The following UIMC1 variants were observed in gnomAD, a reference collection of about 807,000 sequenced individuals.
The protein encoded by UIMC1 is BRCA1-A complex subunit RAP80.
UIMC1 carries 42 observed loss-of-function variants against 84.9 expected under a neutral mutation model. The observed-to-expected ratio is 0.49, with a 90% confidence interval of 0.39 to 0.64. UIMC1 has a LOEUF of 0.64. UIMC1 is among the 30% of genes least tolerant of loss of function. The pLI, the probability that UIMC1 is intolerant of heterozygous loss-of-function variation, is 0.00. For missense variants in UIMC1, 825 were observed against 847.6 expected, an observed-to-expected ratio of 0.97 and a Z score of 0.33; for synonymous variants, 281 against 293.0, an observed-to-expected ratio of 0.96 and a Z score of 0.42.
intron 10 of UIMC1, among the ~76,000 whole-genome samples, chr5:176,940,820 A>C (rs912039430): frequency 2.6e-5 from 4 of 152,220 alleles, no homozygotes; most frequent in African/African-American, 7.2e-5. Flanking sequence ...TGTGCTAGGT[A>C]CCGTGTTAAG....
At chr5:176,990,476 G>C (rs748534338) in intron 1 of UIMC1, among the ~76,000 whole-genome samples, 1 of 152,004 alleles carries the variant, frequency 6.6e-6, no homozygotes, top group Non-Finnish European at 1.5e-5. Context: ...GCAGGAAAAG[G>C]TTAAAAACCT....
chr5:176,986,769 A>C (rs1350826395), intron 1 of UIMC1, among the ~76,000 whole-genome samples: 2 of 152,180 alleles, frequency 1.3e-5, no homozygotes, highest in Admixed American at 1.3e-4. Context: ...TCTCAAAAAA[A>C]ACAATGTCTG....
intron 5 of UIMC1, 43 bp downstream of exon 5, chr5:176,969,558 G>T (rs902337313): frequency 1.3e-6 from 2 of 1,581,778 alleles, no homozygotes; most frequent in African/African-American, 2.7e-5. Flanking sequence ...CTGTGGTACA[G>T]TTATACTTGA....
At chr5:176,949,193 T>C (rs1392575418) in intron 9 of UIMC1, among the ~76,000 whole-genome samples, 4 of 152,186 alleles carry the variant, frequency 2.6e-5, no homozygotes, top group African/African-American at 9.6e-5. Flanking sequence ...TATGTATACA[T>C]GTGCCATGTT....
rs1206988655 is a variant in UIMC1 at position 176,921,280 on chromosome 5, G to A, written c.1598-9891C>T. Among the ~76,000 whole-genome samples the A allele has an allele frequency of 2.0e-5, 3 of 152,126 alleles. No homozygotes were observed. In the East Asian group the frequency reaches 5.8e-4, roughly 29 times the overall value. On this transcript the variant is annotated intron_variant, in intron 10 of 14. Transcript: ENST00000511320. ...CACTTTTCCATTTGATCCTGAATCT[G>A]AACGCTTCTTGCTTAATTAAGGATT...
chr5:177,006,515 G>C (rs999357743), intron 1 of UIMC1, 135 bp downstream of exon 1: 7 of 152,296 alleles, frequency 4.6e-5, no homozygotes, highest in African/African-American at 1.7e-4. Context: ...AGGAAGGGCC[G>C]CCCCGGCGTC....
chr5:176,994,706 G>A (rs1367752782), intron 1 of UIMC1, among the ~76,000 whole-genome samples: 4 of 151,628 alleles, frequency 2.6e-5, no homozygotes, highest in Admixed American at 2.0e-4. Flanking sequence ...CTGAAAGGGA[G>A]TTGGCTAGTT....
At chr5:177,016,385 A>C (rs1323404201) in intron 1 of UIMC1, among the ~76,000 whole-genome samples, 4 of 151,328 alleles carry the variant, frequency 2.6e-5, no homozygotes, top group Non-Finnish European at 5.9e-5. Flanking sequence ...AAAACCAAAC[A>C]AACAAAATAC....
chr5:176,905,044 CATAAAT>C lies in UIMC1; in HGVS notation c.*232_*237del, dbSNP rs544574199. Reference sequence around the variant, plus strand: ...CTATTGAAATAAGATTTCGTACAAACATAAATATATTTAAATTTTTTAACTGTAAGT... The same window carrying C: ...CTATTGAAATAAGATTTCGTACAAACATATTTAAATTTTTTAACTGTAAGT... On this transcript the variant is annotated 3_prime_UTR_variant, in exon 15 of 15. Coordinates refer to ENST00000511320, the MANE Select transcript of UIMC1 (RefSeq NM_001199298.2). 5.9e-4 allele frequency: 225 copies of C among 384,436 alleles called. No individual in the cohort carries two copies. The highest frequency in any genetic ancestry group is 7.8e-4 in the Non-Finnish European group (168 of 215,132). The allele number at this position is 384,436 out of a possible 1,614,324, so 23.8% of individuals were successfully genotyped here. A position where few individuals can be genotyped will look rare whatever the true frequency, so the allele number is the denominator to read the frequency against.
rs1771199914 is a variant in UIMC1 at position 176,982,449 on chromosome 5, T to C, written c.147+20A>G. 1 of 1,603,718 alleles carries C rather than the reference T, an allele frequency of 6.2e-7. No individual in the cohort carries two copies. On this transcript the variant is annotated intron_variant, in intron 2 of 14. Coordinates refer to ENST00000511320, the MANE Select transcript of UIMC1 (RefSeq NM_001199298.2). ...TAGTTTGAGAGCTACAGCTCTACTT[T>C]TCAGCTCTACTTCACTAACCTCTCC...
At position 176,916,917 on chromosome 5, in the gene UIMC1, G is replaced by A. The variant is rs545422406; in HGVS notation, c.1598-5528C>T. 5.3e-5 allele frequency among the ~76,000 whole-genome samples: 8 copies of A among 152,102 alleles called. No homozygotes were observed. The East Asian group carries it at 1.5e-3, about 29-fold the overall frequency. ...ATTTGTTTCCAAAATTCAAAGAGGA[G>A]GAACAATCAACAATAAAAAACATAT... is the stretch of plus-strand genomic sequence containing the variant. On this transcript the variant is annotated intron_variant, in intron 10 of 14. Transcript: ENST00000511320.
In UIMC1 at chr5:176,968,940, C is replaced by T. The variant is rs776029606; in HGVS notation, c.815G>A (p.Gly272Asp). 2 of 1,614,134 alleles carry T rather than the reference C, an allele frequency of 1.2e-6. No homozygotes were observed. The highest frequency in any genetic ancestry group is 1.1e-5 in the South Asian group (1 of 91,078). ...AATACCCCAGAAATAGTTCACAGTG[C>T]CCCCAGTGTCCTGGAGACCTTTGGC... is the stretch of plus-strand genomic sequence containing the variant. ...ADAKGLQDTG[G>D]TVNYFWGIPF... The change falls in exon 6 of 15, where the codon GGC (glycine) becomes GAC (aspartate). Residue 272 changes from glycine to aspartate, a missense_variant. By Grantham distance (94) the Gly-to-Asp change is moderately conservative. Transcript: ENST00000511320.
chr5:176,939,641 T>C (rs141832715), intron 10 of UIMC1, among the ~76,000 whole-genome samples: 2 of 152,314 alleles, frequency 1.3e-5, no homozygotes, highest in African/African-American at 4.8e-5. Flanking sequence ...GACTACACCA[T>C]CAAGGTTTGT....
At chr5:177,009,415 A>T (rs1775496164), upstream of UIMC1, among the ~76,000 whole-genome samples, 1 of 151,582 alleles carries the variant, frequency 6.6e-6, no homozygotes, top group Admixed American at 6.6e-5. The surrounding 1 kb of genome is among the most constrained non-coding windows in gnomAD (Gnocchi z 4.3). Context: ...CAGAGTTAGG[A>T]CCCTAATCAT....
intron 6 of UIMC1, among the ~76,000 whole-genome samples, chr5:176,958,543 ACAAT>A (rs961699334): frequency 3.0e-4 from 45 of 152,374 alleles, no homozygotes; most frequent in African/African-American, 1.1e-3. Context: ...TTTCAGAAAA[ACAAT>A]CAAAAAGTTT....
intron 1 of UIMC1, among the ~76,000 whole-genome samples, chr5:176,987,985 A>T (rs1481813877): frequency 6.6e-6 from 1 of 151,726 alleles, no homozygotes; most frequent in Non-Finnish European, 1.5e-5. Context: ...ATGTAGCCAG[A>T]TGTGGTGGCG....
At chr5:176,981,790 GA>G (rs1047674077) in intron 2 of UIMC1, among the ~76,000 whole-genome samples, 70 of 145,764 alleles carry the variant, frequency 4.8e-4, no homozygotes, top group African/African-American at 1.4e-3. Context: ...CCTGGCTCTA[GA>G]AAAAAAAAAT....
intron 1 of UIMC1, among the ~76,000 whole-genome samples, chr5:176,997,965 A>T (rs1773878919): frequency 6.6e-6 from 1 of 152,112 alleles, no homozygotes; most frequent in African/African-American, 2.4e-5. Flanking sequence ...TCTCAGAGAA[A>T]TCTTTCTTGG....
chr5:176,981,291 C>T (rs762538925), intron 2 of UIMC1, among the ~76,000 whole-genome samples: 31 of 151,770 alleles, frequency 2.0e-4, no homozygotes, highest in Non-Finnish European at 1.9e-4. Context: ...ACTACAGGCA[C>T]GTGCCACCAC....
Sources: gnomAD v4.1 joint callset for allele counts (sites outside exome capture counted in the v4.1 genomes callset) on GRCh38, gnomAD v4.1.1 for gene constraint, Gnocchi (gnomAD v3.1) non-coding constraint, MANE v1.5 for transcripts, NCBI Gene and HGNC (gene_info 2026-07-23, HGNC 2026-07-21) for gene names.